The following TMEM135 variants were observed in gnomAD, a reference collection of about 807,000 sequenced individuals.
TMEM135 encodes the protein peroxisomal membrane protein 52.
Under a neutral mutation model 60.3 loss-of-function variants are expected in TMEM135, and 30 were observed. That is an observed-to-expected ratio of 0.50 (90% CI 0.37 to 0.68). The LOEUF is 0.68. TMEM135 is among the 30% of genes least tolerant of loss of function. The probability of loss-of-function intolerance (pLI) is 0.00; values close to 1 mark genes in which losing one functional copy is unlikely to be tolerated. For missense variants in TMEM135, 468 were observed against 548.8 expected (o/e 0.85, Z 1.47); for synonymous variants, 190 against 186.7 (o/e 1.02, Z -0.14).
chr11:87,175,182 A>G (rs1438939177), intron 5 of TMEM135, among the ~76,000 whole-genome samples: 1 of 152,182 alleles, frequency 6.6e-6, no homozygotes, highest in Non-Finnish European at 1.5e-5. Context: ...CCATGAATCA[A>G]AACAACATAT....
intron 5 of TMEM135, among the ~76,000 whole-genome samples, chr11:87,174,726 A>G (rs2135294146): frequency 6.6e-6 from 1 of 152,282 alleles, no homozygotes; most frequent in Middle Eastern, 3.4e-3. Flanking sequence ...TTTAAGTGAA[A>G]TGGCTTACAG....
intron 5 of TMEM135, among the ~76,000 whole-genome samples, chr11:87,193,553 G>A (rs1396069175): frequency 6.6e-6 from 1 of 151,806 alleles, no homozygotes; most frequent in African/African-American, 2.4e-5. Flanking sequence ...TTTTGGTGGG[G>A]GGATAACTGT....
intron 9 of TMEM135, 116 bp from the exon 10 acceptor site, chr11:87,309,389 T>C: frequency 3.8e-6 from 4 of 1,058,100 alleles, no homozygotes; most frequent in Non-Finnish European, 4.3e-6. Flanking sequence ...TGCTGTGCTA[T>C]AAACTTAGAT....
intron 5 of TMEM135, among the ~76,000 whole-genome samples, chr11:87,171,135 A>G (rs535780421): frequency 1.6e-3 from 246 of 152,292 alleles, no homozygotes; most frequent in African/African-American, 5.6e-3. Flanking sequence ...TACTAGGGAC[A>G]GGTAACTTTA....
chr11:87,037,961 C>G lies in TMEM135; in HGVS notation c.-85C>G, dbSNP rs756450261. On this transcript the variant is annotated 5_prime_UTR_variant, in exon 1 of 15. Coordinates refer to ENST00000305494, the MANE Select transcript of TMEM135 (RefSeq NM_022918.4). Reference sequence around the variant, plus strand: ...TCCGCACCTCCGAGTGCTGGCCGGGCGAGAGGCTGGCGGCTGGGCTCTCGC... The same window carrying G: ...TCCGCACCTCCGAGTGCTGGCCGGGGGAGAGGCTGGCGGCTGGGCTCTCGC... 5 of 1,593,770 alleles carry G rather than the reference C, an allele frequency of 3.1e-6. No homozygotes were observed. In the South Asian group the frequency reaches 5.5e-5, roughly 18 times the overall value.
At chr11:87,127,745 T>G (rs1341081482) in intron 4 of TMEM135, among the ~76,000 whole-genome samples, 5 of 152,232 alleles carry the variant, frequency 3.3e-5, no homozygotes, top group Non-Finnish European at 5.9e-5. Flanking sequence ...ACATTTTTTG[T>G]TTGGTGCTTT....
intron 3 of TMEM135, among the ~76,000 whole-genome samples, chr11:87,072,683 A>G (rs2135143492): frequency 6.6e-6 from 1 of 152,196 alleles, no homozygotes; most frequent in South Asian, 2.1e-4. Context: ...GCCTGGCCCA[A>G]TTATTTTTAA....
intron 6 of TMEM135, among the ~76,000 whole-genome samples, chr11:87,242,398 C>G (rs571900546): frequency 1.1e-3 from 152 of 143,352 alleles, no homozygotes; most frequent in South Asian, 2.4e-3. Context: ...AATGGTATTT[C>G]TAGTTCTAGA....
chr11:87,089,982 C>T lies in TMEM135; in HGVS notation c.363-1380C>T, dbSNP rs188626301. Among the ~76,000 whole-genome samples the T allele has an allele frequency of 1.4e-4, 21 of 152,150 alleles. No individual in the cohort carries two copies. The East Asian group carries it at 3.1e-3, about 22-fold the overall frequency. On this transcript the variant is annotated intron_variant, in intron 3 of 14. Transcript: ENST00000305494. ...AGAATGTGCAGGTTTCTGCCATGTT[C>T]GTTTGCTGCATAGATCATCCTATCA... is the stretch of plus-strand genomic sequence containing the variant.
chr11:87,162,824 TACACTTCC>T (rs1938922767), intron 5 of TMEM135, among the ~76,000 whole-genome samples: 1 of 152,192 alleles, frequency 6.6e-6, no homozygotes, highest in Non-Finnish European at 1.5e-5. Context: ...TGAACTAATT[TACACTTCC>T]ACCAACAGTG....
At chr11:87,298,270 A>AC (rs1222460332) in intron 7 of TMEM135, among the ~76,000 whole-genome samples, 1 of 152,208 alleles carries the variant, frequency 6.6e-6, no homozygotes, top group African/African-American at 2.4e-5. Context: ...AGGAAAGGAT[A>AC]CTCAGAGCTT....
intron 5 of TMEM135, among the ~76,000 whole-genome samples, chr11:87,215,246 G>C (rs1043956769): frequency 6.6e-6 from 1 of 152,002 alleles, no homozygotes; most frequent in African/African-American, 2.4e-5. Context: ...TGATTTCCAG[G>C]TAACTATTAA....
At chr11:87,227,651 A>G (rs1011333637) in intron 5 of TMEM135, among the ~76,000 whole-genome samples, 7 of 152,300 alleles carry the variant, frequency 4.6e-5, no homozygotes, top group Admixed American at 3.3e-4. Flanking sequence ...TAACTTTAGG[A>G]TAGTGTTGCT....
intron 4 of TMEM135, among the ~76,000 whole-genome samples, chr11:87,109,285 T>C (rs183636772): frequency 6.6e-6 from 1 of 152,356 alleles, no homozygotes; most frequent in East Asian, 1.9e-4. Flanking sequence ...CATGATGTTT[T>C]TCCTATATAT....
At chr11:87,173,307 AG>A (rs1939287305) in intron 5 of TMEM135, among the ~76,000 whole-genome samples, 1 of 152,194 alleles carries the variant, frequency 6.6e-6, no homozygotes, top group Non-Finnish European at 1.5e-5. Context: ...AGCGTCCTAA[AG>A]GCAAATGTGA....
intron 4 of TMEM135, among the ~76,000 whole-genome samples, chr11:87,110,071 G>A (rs1352494051): frequency 1.3e-5 from 2 of 152,068 alleles, no homozygotes; most frequent in African/African-American, 4.8e-5. Context: ...TGGTTGAAAT[G>A]TCCATCCCTA....
At chr11:87,128,073 C>T (rs529742153) in intron 4 of TMEM135, among the ~76,000 whole-genome samples, 60 of 152,066 alleles carry the variant, frequency 3.9e-4, no homozygotes, top group Non-Finnish European at 7.1e-4. Flanking sequence ...TCTAGTTATT[C>T]TCTGAAGTGG....
At chr11:87,157,490 T>C (rs879881791) in intron 5 of TMEM135, 84 bp downstream of exon 5, 9 of 1,200,340 alleles carry the variant, frequency 7.5e-6, no homozygotes, top group Non-Finnish European at 1.1e-5. Context: ...AAATCTATGA[T>C]GCTTTGTCTA....
chr11:87,314,652 A>G lies in TMEM135; in HGVS notation c.1077+105A>G, dbSNP rs988970346. ...ATCCCAATGGCAAACATAAATTTTAATCCTCTAAAAGTATTTGCAAAGTTG... is the reference window on the plus strand; with the variant it reads ...ATCCCAATGGCAAACATAAATTTTAGTCCTCTAAAAGTATTTGCAAAGTTG... On this transcript the variant is annotated intron_variant, in intron 12 of 14. Coordinates refer to ENST00000305494, the MANE Select transcript of TMEM135 (RefSeq NM_022918.4). 8.7e-6 allele frequency: 8 copies of G among 920,776 alleles called. No homozygotes were observed. In the African/African-American group the frequency reaches 1.2e-4, roughly 13 times the overall value. 57.0% of individuals were successfully genotyped at this position (920,776 alleles called of 1,614,324 possible).
Sources: gnomAD v4.1 joint callset for allele counts (sites outside exome capture counted in the v4.1 genomes callset) on GRCh38, gnomAD v4.1.1 for gene constraint, MANE v1.5 for transcripts, NCBI Gene and HGNC (gene_info 2026-07-23, HGNC 2026-07-21) for gene names.